The following DUS2 variants were observed in gnomAD, a reference collection of about 807,000 sequenced individuals.
The protein encoded by DUS2 is dihydrouridine synthase 2.
DUS2 carries 52 observed loss-of-function variants against 71.3 expected under a neutral mutation model. The observed-to-expected ratio is 0.73, with a 90% confidence interval of 0.58 to 0.92. The LOEUF (loss-of-function observed/expected upper bound fraction) is 0.92, where lower values mean the gene tolerates loss of function less well. DUS2 is among the 40% of genes least tolerant of loss of function. The pLI is 0.00. For synonymous variants in DUS2, 204 were observed against 227.8 expected (o/e 0.90, Z 0.94); for missense variants, 558 against 622.6 (o/e 0.90, Z 1.10).
intron 12 of DUS2, among the ~76,000 whole-genome samples, chr16:68,071,907 C>T (rs1008152416): frequency 2.0e-5 from 3 of 152,150 alleles, no homozygotes; most frequent in Non-Finnish European, 2.9e-5. Flanking sequence ...ATGGTAGTGC[C>T]AAGGGCATAT....
intron 13 of DUS2, among the ~76,000 whole-genome samples, chr16:68,075,015 T>G (rs535656965): frequency 2.6e-4 from 39 of 152,300 alleles, no homozygotes; most frequent in Non-Finnish European, 4.7e-4. Flanking sequence ...GCCCATGTGC[T>G]TGATCAGCAT....
intron 8 of DUS2, among the ~76,000 whole-genome samples, chr16:68,062,409 G>T (rs760391827): frequency 5.9e-5 from 9 of 151,912 alleles, no homozygotes; most frequent in Non-Finnish European, 1.0e-4. Flanking sequence ...CACAGAGAGA[G>T]AAAATAATTT....
In DUS2 at chr16:68,063,193, C is replaced by T. The variant is rs185580181; in HGVS notation, c.417+2080C>T. 5.3e-5 allele frequency among the ~76,000 whole-genome samples: 8 copies of T among 152,276 alleles called. No individual in the cohort carries two copies. The East Asian group carries it at 1.3e-3, about 26-fold the overall frequency. On this transcript the variant is annotated intron_variant, in intron 8 of 16. Coordinates refer to ENST00000565263, the MANE Select transcript of DUS2 (RefSeq NM_017803.5). Reference sequence around the variant, plus strand: ...TCTCTGGTTGGGTACTCAGATGGGCCAGGTTGGACTGATAGATGGGGTTTG... The same window carrying T: ...TCTCTGGTTGGGTACTCAGATGGGCTAGGTTGGACTGATAGATGGGGTTTG...
intron 3 of DUS2, among the ~76,000 whole-genome samples, chr16:68,047,628 C>T (rs547113457): frequency 1.3e-5 from 2 of 151,822 alleles, no homozygotes; most frequent in South Asian, 4.2e-4. Context: ...GGATTGCAGG[C>T]ATGTACCACC....
At chr16:68,037,798 G>A in intron 2 of DUS2, 1 of 349,238 alleles carries the variant, frequency 2.9e-6, no homozygotes, top group Non-Finnish European at 5.3e-6. Flanking sequence ...TACTTGGGTT[G>A]CAGTGAGCCC....
intron 2 of DUS2, among the ~76,000 whole-genome samples, chr16:68,037,221 A>G (rs937083832): frequency 1.3e-5 from 2 of 150,646 alleles, no homozygotes; most frequent in Non-Finnish European, 2.9e-5. Flanking sequence ...TGACTGGCAC[A>G]GACTAGGTAC....
rs1322357893 is a variant in DUS2 at position 68,078,828 on chromosome 16, G to C, written c.1324G>C (p.Gly442Arg). The C allele has an allele frequency of 6.2e-7, 1 of 1,613,486 alleles. No homozygotes were observed. The highest frequency in any genetic ancestry group is 2.2e-5 in the East Asian group (1 of 44,890). Residue 442 changes from glycine to arginine, a missense_variant, in exon 17 of 17, where the codon GGT becomes CGT. Gly to Arg is a moderately radical substitution (Grantham distance 125, BLOSUM62 -2). Coordinates refer to ENST00000565263, the MANE Select transcript of DUS2 (RefSeq NM_017803.5). ...CCAGGGCCTCCCTGAGGGTCGGCTG[G>C]GTGAGGAGAGCCCTTCCTTGCACAA... Reference protein sequence around the residue: ...RSQGLPEGRLGEESPSLHKRK... With the variant: ...RSQGLPEGRLREESPSLHKRK...
At chr16:68,051,975 T>C (rs992736469) in intron 4 of DUS2, among the ~76,000 whole-genome samples, 2 of 152,120 alleles carry the variant, frequency 1.3e-5, no homozygotes, top group African/African-American at 4.8e-5. Context: ...CTTGGCTCAC[T>C]GCAACCTCCG....
At position 68,078,805 on chromosome 16, in the gene DUS2, A is replaced by G. The variant is rs2151428128; in HGVS notation, c.1301A>G (p.Gln434Arg). 1 of 1,613,024 alleles carries G rather than the reference A, an allele frequency of 6.2e-7. No individual in the cohort carries two copies. The highest frequency in any genetic ancestry group is 8.5e-7 in the Non-Finnish European group (1 of 1,179,514). Reference protein sequence around the residue: ...QAAAIVCLRSQGLPEGRLGEE... With the variant: ...QAAAIVCLRSRGLPEGRLGEE... The stretch of plus-strand genomic sequence containing the variant: ...GCAGCCATCGTCTGTCTGCGGAGCC[A>G]GGGCCTCCCTGAGGGTCGGCTGGGT... Residue 434 changes from glutamine to arginine, a missense_variant, in exon 17 of 17, where the codon CAG becomes CGG. Physicochemically the swap from Gln to Arg is conservative, Grantham distance 43 (BLOSUM62 1). Coordinates refer to ENST00000565263, the MANE Select transcript of DUS2 (RefSeq NM_017803.5).
Position 68,075,492 on chromosome 16 carries a change from T to C in DUS2, c.1070T>C (p.Val357Ala). The C allele has an allele frequency of 5.0e-6, 8 of 1,612,200 alleles. No individual in the cohort carries two copies. The highest frequency in any genetic ancestry group is 6.8e-6 in the Non-Finnish European group (8 of 1,179,008). Residue 357 changes from valine (V) to alanine (A), a missense_variant, in exon 14 of 17, where the codon GTC becomes GCC. Physicochemically the swap from Val to Ala is moderately conservative, Grantham distance 64. Transcript: ENST00000565263. Reference protein sequence around the residue: ...EDTSGVIKMAVKFDRRAYPAQ... With the variant: ...EDTSGVIKMAAKFDRRAYPAQ... ...ACCTCTGGTGTCATTAAGATGGCTG[T>C]CAAGTTTGACCGGTAGGTCTCCAGC...
chr16:68,026,687 G>A (rs1439477777), intron 2 of DUS2, among the ~76,000 whole-genome samples: 1 of 151,982 alleles, frequency 6.6e-6, no homozygotes, highest in Non-Finnish European at 1.5e-5. Context: ...GACCAGTCTG[G>A]CAAACGTGGT....
chr16:68,028,210 T>C (rs1474815519), intron 2 of DUS2, among the ~76,000 whole-genome samples: 2 of 152,112 alleles, frequency 1.3e-5, no homozygotes, highest in East Asian at 1.9e-4. Context: ...GTTCAGTTGA[T>C]AGATGATGGC....
chr16:68,074,069 G>A lies in DUS2; in HGVS notation c.846G>A (p.Lys282=). Residue 282 remains lysine, a synonymous_variant, in exon 13 of 17, where the codon AAG becomes AAA. Transcript: ENST00000565263. The part of the protein sequence containing the change: ...VQYDNHYTNT[K]YCLCQMLREQ... ...ATGACAACCACTACACCAACACCAA[G>A]TACTGCTTGTGCCAGATGCTACGAG... The A allele has an allele frequency of 6.2e-7, 1 of 1,614,186 alleles. No homozygotes were observed. The highest frequency in any genetic ancestry group is 8.5e-7 in the Non-Finnish European group (1 of 1,180,008).
At chr16:68,052,873 C>T (rs1018645881) in intron 4 of DUS2, among the ~76,000 whole-genome samples, 2 of 151,932 alleles carry the variant, frequency 1.3e-5, no homozygotes, top group Non-Finnish European at 2.9e-5. Context: ...AAACTCCTAA[C>T]CTCACATGAT....
intron 3 of DUS2, among the ~76,000 whole-genome samples, chr16:68,043,555 G>T (rs1364864866): frequency 6.6e-6 from 1 of 152,082 alleles, no homozygotes; most frequent in Non-Finnish European, 1.5e-5. Flanking sequence ...GATTAGTGAT[G>T]GTGAACATCT....
intron 3 of DUS2, among the ~76,000 whole-genome samples, chr16:68,038,882 C>CT (rs1360240334): frequency 1.3e-5 from 2 of 150,782 alleles, no homozygotes; most frequent in East Asian, 2.0e-4. Flanking sequence ...GACTCTATCT[C>CT]TTTTTTTAAA....
chr16:68,076,914 T>C (rs780443961), intron 15 of DUS2, among the ~76,000 whole-genome samples, 195 bp downstream of exon 15: 19 of 118,660 alleles, frequency 1.6e-4, no homozygotes, highest in Admixed American at 3.8e-4. Context: ...GACATCTCTC[T>C]TTTTTTTTTT....
intron 8 of DUS2, among the ~76,000 whole-genome samples, chr16:68,065,282 C>T (rs948703200): frequency 1.3e-5 from 2 of 152,112 alleles, no homozygotes; most frequent in Non-Finnish European, 2.9e-5. Flanking sequence ...TGCAGGCCCC[C>T]CTTAAGAGCC....
chr16:68,039,765 G>C (rs1283197232), intron 3 of DUS2, among the ~76,000 whole-genome samples: 1 of 152,016 alleles, frequency 6.6e-6, no homozygotes, highest in East Asian at 1.9e-4. Context: ...AGGAAGGAAG[G>C]AGGGAGGGAG....
Sources: gnomAD v4.1 joint callset for allele counts (sites outside exome capture counted in the v4.1 genomes callset) on GRCh38, gnomAD v4.1.1 for gene constraint, MANE v1.5 for transcripts, NCBI Gene and HGNC (gene_info 2026-07-23, HGNC 2026-07-21) for gene names.